The following KIRREL3 variants were observed in gnomAD, a reference collection of about 807,000 sequenced individuals.
KIRREL3 encodes the protein kirre like nephrin family adhesion molecule 3.
Under a neutral mutation model 89.7 loss-of-function variants are expected in KIRREL3, and 36 were observed. The ratio of observed to expected loss-of-function variants is 0.40; its 90% CI spans 0.31 to 0.53. The LOEUF is 0.53. Among genes scored for constraint, KIRREL3 ranks in the 20% least tolerant of loss-of-function variants. The probability of loss-of-function intolerance (pLI) is 0.49; values close to 1 mark genes in which losing one functional copy is unlikely to be tolerated. For synonymous variants in KIRREL3, 445 were observed against 441.4 expected, an observed-to-expected ratio of 1.01 and a Z score of -0.10; for missense variants, 864 against 1,056.6, an observed-to-expected ratio of 0.82 and a Z score of 2.53.
Position 126,623,040 on chromosome 11 carries a change from A to G in KIRREL3, c.56-60128T>C, listed in dbSNP as rs1205833604. Among the ~76,000 whole-genome samples, 1 of 152,154 alleles carries G rather than the reference A, an allele frequency of 6.6e-6. No homozygotes were observed. The highest frequency in any genetic ancestry group is 2.4e-5 in the African/African-American group (1 of 41,442). On this transcript the variant is annotated intron_variant, in intron 1 of 16. Coordinates refer to ENST00000525144, the MANE Select transcript of KIRREL3 (RefSeq NM_032531.4). This position sits in a 1 kb window ranked among gnomAD's most constrained non-coding sequence, Gnocchi z 4.1. The stretch of plus-strand genomic sequence containing the variant: ...GCTCAGAACCTAGACTCTTAATTAC[A>G]CTAATATGATATTTACAATTTACAA...
chr11:126,483,647 T>C (rs1957278224), intron 4 of KIRREL3, among the ~76,000 whole-genome samples: 1 of 152,212 alleles, frequency 6.6e-6, no homozygotes, highest in Admixed American at 6.5e-5. Flanking sequence ...AATCAATTCC[T>C]CATCATGGGG....
chr11:126,956,554 A>G (rs916004501), intron 1 of KIRREL3, among the ~76,000 whole-genome samples: 6 of 152,244 alleles, frequency 3.9e-5, no homozygotes, highest in Admixed American at 2.0e-4. Context: ...ATCCACAAGA[A>G]GCAGCAGCCC....
Position 126,710,795 on chromosome 11 carries a change from C to A in KIRREL3, c.56-147883G>T, listed in dbSNP as rs1331849908. On this transcript the variant is annotated intron_variant, in intron 1 of 16. Coordinates refer to ENST00000525144, the MANE Select transcript of KIRREL3 (RefSeq NM_032531.4). This position sits in a 1 kb window ranked among gnomAD's most constrained non-coding sequence, Gnocchi z 4.2. ...TCACAACTGATTATTAAGAACAGAT[C>A]TACTACAGTTTGACAACTGCCACAA... Among the ~76,000 whole-genome samples the A allele has an allele frequency of 1.3e-5, 2 of 152,202 alleles. No individual in the cohort carries two copies. The highest frequency in any genetic ancestry group is 6.5e-5 in the Admixed American group (1 of 15,288).
chr11:126,429,334 C>T lies in KIRREL3; in HGVS notation c.1697-46G>A. 2 of 1,388,654 alleles carry T rather than the reference C, an allele frequency of 1.4e-6. No individual in the cohort carries two copies. The highest frequency in any genetic ancestry group is 2.0e-6 in the Non-Finnish European group (2 of 978,954). The allele number at this position is 1,388,654 out of a possible 1,614,324, so 86.0% of individuals were successfully genotyped here. ...TGTAGATGATAGATTTAGTTCTTAC[C>T]TTTGAGATGTCAAGCTCCCTTGCAG... On this transcript the variant is annotated intron_variant, in intron 14 of 16. Transcript: ENST00000525144. The surrounding 1 kb of genome is among the most constrained non-coding windows in gnomAD (Gnocchi z 5.2).
At chr11:126,894,997 G>A (rs2134796093) in intron 1 of KIRREL3, among the ~76,000 whole-genome samples, 1 of 152,232 alleles carries the variant, frequency 6.6e-6, no homozygotes, top group Non-Finnish European at 1.5e-5. Flanking sequence ...CCTCTCTGGG[G>A]ATTTTCAAGG....
intron 1 of KIRREL3, among the ~76,000 whole-genome samples, chr11:126,670,897 G>T (rs1945911402): frequency 6.6e-6 from 1 of 152,108 alleles, no homozygotes; most frequent in Non-Finnish European, 1.5e-5. Context: ...ATAAGTTGGA[G>T]GACTCATACT....
chr11:126,810,801 C>T (rs934083642), intron 1 of KIRREL3, among the ~76,000 whole-genome samples: 6 of 152,158 alleles, frequency 3.9e-5, no homozygotes, highest in African/African-American at 1.2e-4. Context: ...AACACCAAAT[C>T]GATCAGGGAG....
At chr11:126,789,052 C>T (rs549212213) in intron 1 of KIRREL3, among the ~76,000 whole-genome samples, 1 of 152,270 alleles carries the variant, frequency 6.6e-6, no homozygotes, top group African/African-American at 2.4e-5. Context: ...TCTGTCACTG[C>T]ATGCGATGAT....
chr11:126,565,230 ACT>A lies in KIRREL3; in HGVS notation c.56-2320_56-2319del, dbSNP rs1940430633. ...TTTAGAGAGTGTGAGCAATCTGTTG[ACT>A]CTGGATTGTCTTAGTTGGATAGAGA... is the stretch of plus-strand genomic sequence containing the variant. On this transcript the variant is annotated intron_variant, in intron 1 of 16. Transcript: ENST00000525144. The surrounding 1 kb of genome is among the most constrained non-coding windows in gnomAD (Gnocchi z 5.4). Among the ~76,000 whole-genome samples the A allele has an allele frequency of 6.6e-6, 1 of 151,942 alleles. No individual in the cohort carries two copies. The highest frequency in any genetic ancestry group is 1.5e-5 in the Non-Finnish European group (1 of 67,980).
At chr11:126,437,901 G>A (rs34434834) in intron 11 of KIRREL3, among the ~76,000 whole-genome samples, 3,838 of 152,144 alleles carry the variant, frequency 0.025, 63 homozygotes, top group Admixed American at 0.053. Context: ...CACACACCAT[G>A]TGCTCACACA....
In KIRREL3 at chr11:126,540,607, GGAGAGGGATTCTTCCATC is replaced by G. The variant is rs528451930; in HGVS notation, c.134-13938_134-13921del. ...CCTGCACTGTACTCATTAGTGGCAG[GGAGAGGGATTCTTCCATC>G]GATCCAGCCAAGGCCTGGATGCCAC... On this transcript the variant is annotated intron_variant, in intron 2 of 16. Coordinates refer to ENST00000525144, the MANE Select transcript of KIRREL3 (RefSeq NM_032531.4). Among the ~76,000 whole-genome samples the G allele has an allele frequency of 4.9e-4, 75 of 152,362 alleles. 1 individual carries two copies. In the South Asian group the frequency reaches 0.016, roughly 32 times the overall value.
At position 126,569,415 on chromosome 11, in the gene KIRREL3, C is replaced by G. The variant is rs1940761075; in HGVS notation, c.56-6503G>C. ...GTAGACTCTGCTACAAGCATTAATC[C>G]TACCCCTCTGGAACCAGGACACATT... On this transcript the variant is annotated intron_variant, in intron 1 of 16. Coordinates refer to ENST00000525144, the MANE Select transcript of KIRREL3 (RefSeq NM_032531.4). The surrounding 1 kb of genome is among the most constrained non-coding windows in gnomAD (Gnocchi z 6.5). Among the ~76,000 whole-genome samples the G allele has an allele frequency of 6.6e-6, 1 of 152,110 alleles. No homozygotes were observed. Among genetic ancestry groups the G allele is most frequent in the Admixed American group, 6.5e-5 (1 of 15,280 alleles).
rs551805544 is a variant in KIRREL3 at position 126,430,789 on chromosome 11, G to A, written c.1696+630C>T. On this transcript the variant is annotated intron_variant, in intron 14 of 16. Transcript: ENST00000525144. This position sits in a 1 kb window ranked among gnomAD's most constrained non-coding sequence, Gnocchi z 6.6. ...ATAACTGTGGCTGGCCCAGGGTCAT[G>A]TGGCAGAAGAGGTGGGACTGGAACA... 7.2e-5 allele frequency among the ~76,000 whole-genome samples: 11 copies of A among 152,332 alleles called. No homozygotes were observed. In the East Asian group the frequency reaches 1.9e-3, roughly 27 times the overall value.
chr11:126,474,229 G>A lies in KIRREL3; in HGVS notation c.434-763C>T, dbSNP rs145496981. Among the ~76,000 whole-genome samples the A allele has an allele frequency of 9.3e-3, 1,421 of 152,310 alleles. 20 individuals are homozygous for A. Among genetic ancestry groups the A allele is most frequent in the African/African-American group, 0.032 (1,342 of 41,558 alleles). ...CTCCCAAAGTGCTGGGATTACAGGCGTGAGCCACGGCACCTGGCTTTTCTT... is the reference window on the plus strand; with the variant it reads ...CTCCCAAAGTGCTGGGATTACAGGCATGAGCCACGGCACCTGGCTTTTCTT... On this transcript the variant is annotated intron_variant, in intron 4 of 16. Transcript: ENST00000525144. The surrounding 1 kb of genome is among the most constrained non-coding windows in gnomAD (Gnocchi z 6.7).
rs550648045 is a variant in KIRREL3, at chr11:126,734,307, A to T, written c.56-171395T>A. ...TATAAATAAGTGCTATACTTTAAAT[A>T]CTGTGTTCATGATCTGCTTCAAGAT... On this transcript the variant is annotated intron_variant, in intron 1 of 16. Transcript: ENST00000525144. The surrounding 1 kb of genome is among the most constrained non-coding windows in gnomAD (Gnocchi z 5.9). Among the ~76,000 whole-genome samples, 2 of 152,312 alleles carry T rather than the reference A, an allele frequency of 1.3e-5. No individual in the cohort carries two copies. The highest frequency in any genetic ancestry group is 2.1e-4 in the South Asian group (1 of 4,824).
intron 1 of KIRREL3, among the ~76,000 whole-genome samples, chr11:126,920,023 ATTTAAT>A (rs1012838520): frequency 6.6e-6 from 1 of 152,218 alleles, no homozygotes; most frequent in African/African-American, 2.4e-5. Flanking sequence ...TAATGATAGC[ATTTAAT>A]TTTATCATTT....
At chr11:126,654,299 A>C (rs893943794) in intron 1 of KIRREL3, among the ~76,000 whole-genome samples, 3 of 152,030 alleles carry the variant, frequency 2.0e-5, no homozygotes, top group African/African-American at 7.2e-5. Context: ...ATGTAAAGTC[A>C]ACCCCGAGAA....
In KIRREL3 at chr11:126,611,595, G is replaced by A. The variant is rs1414461736; in HGVS notation, c.56-48683C>T. On this transcript the variant is annotated intron_variant, in intron 1 of 16. Coordinates refer to ENST00000525144, the MANE Select transcript of KIRREL3 (RefSeq NM_032531.4). The surrounding 1 kb of genome is among the most constrained non-coding windows in gnomAD (Gnocchi z 4.7). ...TGAGGTGTCGTGAGGGCAATGGCCT[G>A]CAGAGTCCAAAGGTGGCTGTCATGT... Among the ~76,000 whole-genome samples the A allele has an allele frequency of 6.6e-6, 1 of 152,146 alleles. No homozygotes were observed. Among genetic ancestry groups the A allele is most frequent in the Non-Finnish European group, 1.5e-5 (1 of 68,026 alleles).
intron 1 of KIRREL3, among the ~76,000 whole-genome samples, chr11:126,803,490 T>C (rs1313852354): frequency 6.6e-6 from 1 of 152,200 alleles, no homozygotes; most frequent in Admixed American, 6.5e-5. Context: ...ATCATATATA[T>C]GTATTATACA....
Sources: allele counts gnomAD v4.1 joint callset (sites outside exome capture counted in the v4.1 genomes callset), GRCh38; gene constraint gnomAD v4.1.1; non-coding constraint Gnocchi (gnomAD v3.1); transcripts MANE v1.5; gene names NCBI Gene and HGNC (gene_info 2026-07-23, HGNC 2026-07-21).